DNAH14: variants seen among roughly 807,000 people sequenced by gnomAD.
DNAH14 encodes dynein axonemal heavy chain 14, also known as axonemal beta dynein heavy chain 14.
A neutral mutation model predicts 520.9 loss-of-function variants in DNAH14; 478 were observed. That is an observed-to-expected ratio of 0.92 (90% CI 0.85 to 0.99). DNAH14 has a LOEUF of 0.99. DNAH14 is among the 50% of genes least tolerant of loss of function. The probability of loss-of-function intolerance (pLI) is 0.00; values close to 1 mark genes in which losing one functional copy is unlikely to be tolerated. For synonymous variants in DNAH14, 1,581 were observed against 1,757.2 expected, an observed-to-expected ratio of 0.90 and a Z score of 2.51; for missense variants, 4,831 against 5,234.5, an observed-to-expected ratio of 0.92 and a Z score of 2.38.
chr1:225,173,414 A>G (rs2082933452), intron 36 of DNAH14, among the ~76,000 whole-genome samples: 1 of 152,190 alleles, frequency 6.6e-6, no homozygotes, highest in Admixed American at 6.5e-5. Flanking sequence ...AATCTACAAG[A>G]AAAGAACAAA....
chr1:225,340,767 C>A, intron 69 of DNAH14, 66 bp downstream of exon 69: 1 of 1,461,398 alleles, frequency 6.8e-7, no homozygotes, highest in Non-Finnish European at 9.1e-7. Context: ...GTTATAAGAA[C>A]CAAATTTTGA....
Position 225,147,109 on chromosome 1 carries a change from G to T in DNAH14, c.4800G>T (p.Val1600=). Residue 1600 remains valine (V), a synonymous_variant, in exon 31 of 86, where the codon GTG becomes GTT. Coordinates refer to ENST00000682510, the MANE Select transcript of DNAH14 (RefSeq NM_001367479.1). ...TCTCTTTTTTTTTTTAAAAGATAGTGAGAAAATTTTTCTTTGGACTAGTTC... is the reference window on the plus strand; with the variant it reads ...TCTCTTTTTTTTTTTAAAAGATAGTTAGAAAATTTTTCTTTGGACTAGTTC... The part of the protein sequence containing the change: ...NCFEDLDYKI[V]RKFFFGLVQS... 6.7e-7 allele frequency: 1 copy of T among 1,502,818 alleles called. No individual in the cohort carries two copies. Among genetic ancestry groups the T allele is most frequent in the South Asian group, 1.3e-5 (1 of 74,974 alleles). 93.1% of individuals were successfully genotyped at this position (1,502,818 alleles called of 1,614,324 possible). A position where few individuals can be genotyped will look rare whatever the true frequency, so the allele number is the denominator to read the frequency against.
At chr1:225,007,280 A>G (rs2064251963) in intron 9 of DNAH14, 133 bp from the exon 10 acceptor site, 1 of 556,138 alleles carries the variant, frequency 1.8e-6, no homozygotes, top group African/African-American at 2.0e-5. Context: ...AAAACATGTA[A>G]GTCATATAGG....
intron 49 of DNAH14, among the ~76,000 whole-genome samples, chr1:225,269,174 A>G (rs2093228641): frequency 6.6e-6 from 1 of 152,194 alleles, no homozygotes; most frequent in Admixed American, 6.5e-5. Flanking sequence ...AAATAATGCC[A>G]CACGTCTACA....
intron 16 of DNAH14, among the ~76,000 whole-genome samples, chr1:225,050,785 T>C (rs1017016385): frequency 2.6e-5 from 4 of 152,196 alleles, no homozygotes; most frequent in Non-Finnish European, 5.9e-5. Context: ...TATATACCAG[T>C]GGCCCTTAAC....
At chr1:225,157,660 T>G (rs2081171393) in intron 34 of DNAH14, among the ~76,000 whole-genome samples, 1 of 152,120 alleles carries the variant, frequency 6.6e-6, no homozygotes, top group Admixed American at 6.5e-5. Flanking sequence ...ATTTTTTTCA[T>G]TTTCCTTTAA....
rs2075048177 is a variant in DNAH14 at position 225,097,102 on chromosome 1, G to A, written c.3574-16G>A. ...TATATTTAGATTTGTATGTGTATAT[G>A]TTTTTATCATTGTAGGATCTTGTGA... On this transcript the variant is annotated splice_polypyrimidine_tract_variant and intron_variant, in intron 21 of 85. Transcript: ENST00000682510. 3.3e-6 allele frequency: 5 copies of A among 1,534,356 alleles called. No individual in the cohort carries two copies. The highest frequency in any genetic ancestry group is 4.4e-6 in the Non-Finnish European group (5 of 1,138,444).
chr1:225,250,763 G>C, intron 43 of DNAH14: 1 of 477,016 alleles, frequency 2.1e-6, no homozygotes, highest in Non-Finnish European at 3.9e-6. Context: ...AGTGTAAATG[G>C]GCTTGGGATT....
intron 52 of DNAH14, among the ~76,000 whole-genome samples, chr1:225,274,221 T>TTTTTTTTTTTTTTTTC: frequency 7.1e-6 from 1 of 140,370 alleles, no homozygotes; most frequent in African/African-American, 2.8e-5. Flanking sequence ...TTTTTTTTTT[T>TTTTTTTTTTTTTTTTC]TGAGACGGAG....
intron 84 of DNAH14, 36 bp from the exon 85 acceptor site, chr1:225,398,484 C>A: frequency 6.5e-7 from 1 of 1,547,762 alleles, no homozygotes; most frequent in Non-Finnish European, 8.7e-7. Flanking sequence ...GCTGCTTCTC[C>A]TGGGGATCCC....
intron 10 of DNAH14, among the ~76,000 whole-genome samples, chr1:225,021,926 C>T (rs1215323846): frequency 6.6e-6 from 1 of 152,100 alleles, no homozygotes; most frequent in African/African-American, 2.4e-5. Flanking sequence ...GGTACAAAAA[C>T]AGATACATAG....
At position 225,274,194 on chromosome 1, in the gene DNAH14, GTTATTTTT is replaced by G. The variant is rs1255840920; in HGVS notation, c.8010+1072_8010+1079del. The stretch of plus-strand genomic sequence containing the variant: ...TTTCTCTGCATCCTCACCAGCATCT[GTTATTTTT>G]TTTTTTTTTTTTTTTTTTTTGAGAC... On this transcript the variant is annotated intron_variant, in intron 52 of 85. Transcript: ENST00000682510. 3.6e-4 allele frequency among the ~76,000 whole-genome samples: 43 copies of G among 120,328 alleles called. 2 individuals are homozygous for G. In the South Asian group the frequency reaches 9.9e-3, roughly 28 times the overall value. 78.9% of individuals were successfully genotyped at this position (120,328 alleles called of 152,430 possible). A position where few individuals can be genotyped will look rare whatever the true frequency, so the allele number is the denominator to read the frequency against.
intron 8 of DNAH14, among the ~76,000 whole-genome samples, chr1:224,995,443 A>G (rs1009194365): frequency 1.3e-5 from 2 of 151,260 alleles, no homozygotes; most frequent in Non-Finnish European, 2.9e-5. Context: ...TTTTTTGTAT[A>G]TGATCTGTTT....
Position 225,377,380 on chromosome 1 carries a change from T to TA in DNAH14, c.12661dup (p.Ile4221AsnfsTer2), listed in dbSNP as rs2095714616. On this transcript the variant is annotated frameshift_variant, in exon 79 of 86. Transcript: ENST00000682510. LOFTEE classifies it high-confidence loss of function. ...GCTGGGAGACCCAGGGCGAAAAGTT[T>TA]ATTGAAAATCTGATTGCCATGCAAC... 6.4e-7 allele frequency: 1 copy of TA among 1,551,138 alleles called. No homozygotes were observed. Among genetic ancestry groups the TA allele is most frequent in the Admixed American group, 2.0e-5 (1 of 50,916 alleles).
chr1:225,389,801 G>A lies in DNAH14; in HGVS notation c.13258G>A (p.Glu4420Lys). The A allele has an allele frequency of 6.4e-7, 1 of 1,552,054 alleles. No homozygotes were observed. Among genetic ancestry groups the A allele is most frequent in the African/African-American group, 1.4e-5 (1 of 73,192 alleles). Residue 4420 changes from glutamate to lysine, a missense_variant, in exon 83 of 86, where the codon GAG becomes AAG. Transcript: ENST00000682510. ...AACTAGCCAAAAATGCAAACACCCT[G>A]AGGATTCAGAGAACAATTTCTTTGA... ...PSTSQKCKHPEDSENNFFEGF... is the reference protein window; with the variant it reads ...PSTSQKCKHPKDSENNFFEGF...
At chr1:225,201,959 T>A (rs1001511884) in intron 38 of DNAH14, among the ~76,000 whole-genome samples, 12 of 140,320 alleles carry the variant, frequency 8.6e-5, no homozygotes, top group Non-Finnish European at 1.7e-4. Flanking sequence ...CACTGCAACC[T>A]CTGCCTCCCA....
At position 225,208,012 on chromosome 1, in the gene DNAH14, G is replaced by A. The variant is rs77555021; in HGVS notation, c.6439+792G>A. Among the ~76,000 whole-genome samples, 760 of 152,266 alleles carry A rather than the reference G, an allele frequency of 5.0e-3. 6 individuals are homozygous for A. The highest frequency in any genetic ancestry group is 0.017 in the African/African-American group (717 of 41,550). Reference sequence around the variant, plus strand: ...AACAACAAAATGTCCTATTGGCAGGGAAGCCTAACTGGGTTAGGGAGTAGG... The same window carrying A: ...AACAACAAAATGTCCTATTGGCAGGAAAGCCTAACTGGGTTAGGGAGTAGG... On this transcript the variant is annotated intron_variant, in intron 41 of 85. Transcript: ENST00000682510.
intron 7 of DNAH14, among the ~76,000 whole-genome samples, chr1:224,972,813 A>G (rs1442200804): frequency 1.3e-5 from 2 of 152,202 alleles, no homozygotes; most frequent in Non-Finnish European, 2.9e-5. Context: ...ACTATATTAT[A>G]AAAGGTAATA....
intron 21 of DNAH14, among the ~76,000 whole-genome samples, chr1:225,094,587 C>G (rs1282832218): frequency 7.8e-6 from 1 of 128,182 alleles, no homozygotes; most frequent in African/African-American, 2.7e-5. Context: ...ACAAAGTCAC[C>G]AAAAGCAATT....
Sources: allele counts gnomAD v4.1 joint callset (sites outside exome capture counted in the v4.1 genomes callset), GRCh38; gene constraint gnomAD v4.1.1; transcripts MANE v1.5; gene names NCBI Gene and HGNC (gene_info 2026-07-23, HGNC 2026-07-21).